NAV2: variants seen among roughly 807,000 people sequenced by gnomAD.
NAV2 encodes the protein helicase, APC down-regulated 1.
Under a neutral mutation model 223.2 loss-of-function variants are expected in NAV2, and 54 were observed. The observed-to-expected ratio is 0.24, with a 90% confidence interval of 0.19 to 0.30. The LOEUF is 0.30. Among genes scored for constraint, NAV2 ranks in the 10% least tolerant of loss-of-function variants. NAV2 has a pLI of 1.00. For missense variants in NAV2, 2,806 were observed against 3,147.5 expected, an observed-to-expected ratio of 0.89 and a Z score of 2.60; for synonymous variants, 1,279 against 1,239.3, an observed-to-expected ratio of 1.03 and a Z score of -0.67.
chr11:19,398,236 A>G (rs1369916753), intron 1 of NAV2, among the ~76,000 whole-genome samples: 1 of 152,138 alleles, frequency 6.6e-6, no homozygotes, highest in Non-Finnish European at 1.5e-5. Flanking sequence ...TGGGGAAAGC[A>G]GGAGCAAGAG....
chr11:19,451,697 T>A (rs1851795236), intron 1 of NAV2, among the ~76,000 whole-genome samples: 1 of 152,160 alleles, frequency 6.6e-6, no homozygotes, highest in South Asian at 2.1e-4. Flanking sequence ...CCTGAGGATG[T>A]TTTAGCTGGG....
intron 1 of NAV2, among the ~76,000 whole-genome samples, chr11:19,754,610 T>G (rs1380483217): frequency 6.6e-6 from 1 of 152,242 alleles, no homozygotes; most frequent in African/African-American, 2.4e-5. Flanking sequence ...CTCAGGTCCC[T>G]GGTTCTCCAG....
intron 11 of NAV2, among the ~76,000 whole-genome samples, chr11:20,035,726 T>C (rs1458971940): frequency 6.6e-6 from 1 of 152,220 alleles, no homozygotes; most frequent in Non-Finnish European, 1.5e-5. Flanking sequence ...CCACCCCTGC[T>C]ATGGAAGCAC....
intron 1 of NAV2, among the ~76,000 whole-genome samples, chr11:19,362,171 G>A (rs1485724438): frequency 2.0e-5 from 3 of 152,122 alleles, no homozygotes; most frequent in African/African-American, 7.2e-5. Flanking sequence ...TTACAGATGG[G>A]AAAGTAAAGA....
At chr11:19,984,361 G>T in intron 11 of NAV2, 114 bp downstream of exon 11, 1 of 1,511,956 alleles carries the variant, frequency 6.6e-7, no homozygotes, top group Non-Finnish European at 9.0e-7. Context: ...CACAGAGAGG[G>T]AGGGGAGGCC....
At chr11:19,666,540 C>T (rs888167441) in intron 1 of NAV2, among the ~76,000 whole-genome samples, 6 of 152,252 alleles carry the variant, frequency 3.9e-5, no homozygotes, top group East Asian at 1.9e-4. Flanking sequence ...TTGCTTCTCC[C>T]CTGTAGCACA....
chr11:19,442,177 A>G (rs941744301), intron 1 of NAV2, among the ~76,000 whole-genome samples: 3 of 152,092 alleles, frequency 2.0e-5, no homozygotes, highest in African/African-American at 7.2e-5. Flanking sequence ...GGGAGGGGAG[A>G]CTGTGTGCAC....
intron 1 of NAV2, among the ~76,000 whole-genome samples, chr11:19,634,443 G>A (rs1376073450): frequency 1.3e-5 from 2 of 152,098 alleles, no homozygotes; most frequent in African/African-American, 4.8e-5. Context: ...CCCATGACAT[G>A]AGTTTACCTG....
At chr11:19,669,017 GA>G (rs1482566442) in intron 1 of NAV2, among the ~76,000 whole-genome samples, 1 of 152,186 alleles carries the variant, frequency 6.6e-6, no homozygotes, top group South Asian at 2.1e-4. Flanking sequence ...GCAGACAGGT[GA>G]ATGGGAAAAT....
intron 6 of NAV2, among the ~76,000 whole-genome samples, chr11:19,925,798 A>G (rs1293906088): frequency 6.6e-6 from 1 of 151,966 alleles, no homozygotes; most frequent in Non-Finnish European, 1.5e-5. Context: ...CCATGAGAAT[A>G]TCCAGTTTTT....
At chr11:20,083,978 G>A (rs2060256683) in intron 26 of NAV2, among the ~76,000 whole-genome samples, 1 of 152,252 alleles carries the variant, frequency 6.6e-6, no homozygotes, top group South Asian at 2.1e-4. Context: ...TACCAGATGG[G>A]TAGAGGGAGT....
intron 1 of NAV2, among the ~76,000 whole-genome samples, chr11:19,420,136 G>A (rs749156085): frequency 6.6e-6 from 1 of 152,216 alleles, no homozygotes; most frequent in Non-Finnish European, 1.5e-5. Context: ...TAGAAGTGAT[G>A]TTGACCTATG....
At chr11:20,032,901 C>T (rs34173538) in intron 11 of NAV2, among the ~76,000 whole-genome samples, 19,208 of 152,194 alleles carry the variant, frequency 0.13, 1,554 homozygotes, top group Middle Eastern at 0.26. Flanking sequence ...CGTGGTCCAC[C>T]GAATGAACTT....
chr11:19,936,267 GA>G (rs1246788462), intron 7 of NAV2, among the ~76,000 whole-genome samples: 2 of 152,038 alleles, frequency 1.3e-5, no homozygotes, highest in African/African-American at 4.8e-5. Flanking sequence ...ACATATTCAG[GA>G]TTCACAGCTT....
intron 27 of NAV2, among the ~76,000 whole-genome samples, chr11:20,091,613 C>T (rs2060856686): frequency 6.6e-6 from 1 of 152,170 alleles, no homozygotes; most frequent in Non-Finnish European, 1.5e-5. Flanking sequence ...GGGCTTTTTG[C>T]ATACCTTTCT....
At chr11:19,496,662 A>G (rs956437045) in intron 1 of NAV2, among the ~76,000 whole-genome samples, 2 of 152,220 alleles carry the variant, frequency 1.3e-5, no homozygotes, top group Non-Finnish European at 2.9e-5. Context: ...AGTCCTGTTC[A>G]GGGTGAACAG....
intron 11 of NAV2, among the ~76,000 whole-genome samples, chr11:20,017,791 C>A (rs941454334): frequency 3.3e-5 from 5 of 152,194 alleles, no homozygotes; most frequent in Non-Finnish European, 5.9e-5. Context: ...TTGCTAAAGA[C>A]TCTCCTTCCC....
chr11:20,023,076 C>T (rs1334556807), intron 11 of NAV2: 7 of 1,551,570 alleles, frequency 4.5e-6, no homozygotes, highest in South Asian at 2.4e-5. Flanking sequence ...CTTCTTTGTC[C>T]GCTGTTCTCC....
intron 1 of NAV2, among the ~76,000 whole-genome samples, chr11:19,662,208 G>T (rs564039134): frequency 6.6e-6 from 1 of 152,176 alleles, no homozygotes; most frequent in Non-Finnish European, 1.5e-5. Flanking sequence ...AAGGTGAAAA[G>T]AATATGAGAC....
Sources: gnomAD v4.1 joint callset for allele counts (sites outside exome capture counted in the v4.1 genomes callset) on GRCh38, gnomAD v4.1.1 for gene constraint, MANE v1.5 for transcripts, NCBI Gene and HGNC (gene_info 2026-07-23, HGNC 2026-07-21) for gene names.